The following AKAP6 variants were observed in gnomAD, a reference collection of about 807,000 sequenced individuals.
AKAP6 encodes the protein A-kinase anchor protein 6.
Under a neutral mutation model 188.5 loss-of-function variants are expected in AKAP6, and 58 were observed. The observed-to-expected ratio is 0.31, with a 90% CI of 0.25 to 0.38. The LOEUF (loss-of-function observed/expected upper bound fraction) is 0.38, where lower values mean the gene tolerates loss of function less well. Ranked by LOEUF, AKAP6 falls within the 10% of genes least tolerant of loss-of-function variation. The pLI is 1.00. For missense variants in AKAP6, 2,710 were observed against 2,740.0 expected, an observed-to-expected ratio of 0.99 and a Z score of 0.24; for synonymous variants, 989 against 998.6, an observed-to-expected ratio of 0.99 and a Z score of 0.18.
chr14:32,695,961 G>T, intron 8 of AKAP6, 29 bp from the exon 9 acceptor site: 1 of 1,604,946 alleles, frequency 6.2e-7, no homozygotes, highest in South Asian at 1.1e-5. Context: ...CTGTATTTAT[G>T]CATACTACAT....
chr14:32,691,125 T>C (rs1418866173), intron 8 of AKAP6, among the ~76,000 whole-genome samples: 1 of 152,186 alleles, frequency 6.6e-6, no homozygotes, highest in Non-Finnish European at 1.5e-5. Context: ...GGACTCATAG[T>C]TCTTATATTT....
chr14:32,726,813 G>C (rs1283759013), intron 9 of AKAP6, among the ~76,000 whole-genome samples: 1 of 152,214 alleles, frequency 6.6e-6, no homozygotes, highest in Middle Eastern at 3.2e-3. Context: ...TGTTCAGATA[G>C]AAGAGCTGCG....
chr14:32,468,668 A>T (rs578050894), intron 2 of AKAP6, among the ~76,000 whole-genome samples: 1 of 151,992 alleles, frequency 6.6e-6, no homozygotes, highest in African/African-American at 2.4e-5. Flanking sequence ...GTTATGTTTT[A>T]TTGTCCTCCC....
chr14:32,527,435 T>C (rs1313356470), intron 2 of AKAP6, among the ~76,000 whole-genome samples: 1 of 152,182 alleles, frequency 6.6e-6, no homozygotes, highest in Non-Finnish European at 1.5e-5. Flanking sequence ...GTGTGCAGGT[T>C]TTTCTGTGGA....
At chr14:32,813,307 C>T (rs1041172894) in intron 12 of AKAP6, among the ~76,000 whole-genome samples, 1 of 151,968 alleles carries the variant, frequency 6.6e-6, no homozygotes, top group African/African-American at 2.4e-5. Flanking sequence ...ACCCACCTAG[C>T]ATCTCCAGGT....
intron 7 of AKAP6, among the ~76,000 whole-genome samples, chr14:32,676,564 C>T (rs920852024): frequency 2.0e-5 from 3 of 152,130 alleles, no homozygotes; most frequent in African/African-American, 7.2e-5. Context: ...TGACATTATC[C>T]TTTGTTTATA....
At chr14:32,554,326 A>C (rs772204320) in intron 4 of AKAP6, among the ~76,000 whole-genome samples, 2 of 152,238 alleles carry the variant, frequency 1.3e-5, no homozygotes, top group Non-Finnish European at 2.9e-5. Context: ...TGAGTAAGGA[A>C]GAAGAGAGGG....
chr14:32,527,135 G>A (rs1256099488), intron 2 of AKAP6, among the ~76,000 whole-genome samples: 2 of 152,236 alleles, frequency 1.3e-5, no homozygotes, highest in Middle Eastern at 3.4e-3. Flanking sequence ...TGCCCCAAAC[G>A]GTCTGGGAGC....
intron 10 of AKAP6, among the ~76,000 whole-genome samples, 199 bp from the exon 11 acceptor site, chr14:32,735,459 G>A (rs1021701966): frequency 3.3e-5 from 5 of 152,042 alleles, no homozygotes; most frequent in African/African-American, 1.2e-4. Flanking sequence ...ATACTAAATG[G>A]AACAATGACC....
At chr14:32,427,150 G>T (rs1288523332) in intron 1 of AKAP6, among the ~76,000 whole-genome samples, 1 of 152,116 alleles carries the variant, frequency 6.6e-6, no homozygotes, top group Non-Finnish European at 1.5e-5. Context: ...TCCCCCCTGG[G>T]GCACTTGCAG....
rs1883741544 is a variant in AKAP6 at position 32,557,489 on chromosome 14, T to C, written c.2346+10490T>C. Among the ~76,000 whole-genome samples the C allele has an allele frequency of 2.0e-5, 3 of 152,242 alleles. No homozygotes were observed. The South Asian group carries it at 6.2e-4, about 31-fold the overall frequency. ...TCCCATTTGAAACACAGCTGTATCCTTTTTTATTCACCCACAGAGTAACTT... is the reference window on the plus strand; with the variant it reads ...TCCCATTTGAAACACAGCTGTATCCCTTTTTATTCACCCACAGAGTAACTT... On this transcript the variant is annotated intron_variant, in intron 4 of 13. Coordinates refer to ENST00000280979, the MANE Select transcript of AKAP6 (RefSeq NM_004274.5).
chr14:32,502,447 G>A (rs1046059390), intron 2 of AKAP6, among the ~76,000 whole-genome samples: 7 of 152,038 alleles, frequency 4.6e-5, no homozygotes, highest in Non-Finnish European at 7.4e-5. Context: ...TAGAGTTTTT[G>A]TTGCTGTCTG....
intron 9 of AKAP6, among the ~76,000 whole-genome samples, chr14:32,697,983 T>C (rs1473945762): frequency 6.6e-6 from 1 of 152,162 alleles, no homozygotes; most frequent in African/African-American, 2.4e-5. Context: ...TTTTAGGTGC[T>C]TAACATAGCT....
At chr14:32,571,613 GGCA>G (rs1476557117) in intron 4 of AKAP6, among the ~76,000 whole-genome samples, 1 of 152,176 alleles carries the variant, frequency 6.6e-6, no homozygotes, top group East Asian at 1.9e-4. Flanking sequence ...TCTGTGTGGA[GGCA>G]GCTAACTCGA....
chr14:32,441,745 G>T (rs1410152605), intron 2 of AKAP6, among the ~76,000 whole-genome samples: 2 of 152,168 alleles, frequency 1.3e-5, no homozygotes, highest in African/African-American at 2.4e-5. Context: ...TGTCAAGGTG[G>T]CTCAGTCTAA....
intron 9 of AKAP6, among the ~76,000 whole-genome samples, chr14:32,718,703 G>A (rs1490553252): frequency 6.6e-6 from 1 of 152,028 alleles, no homozygotes; most frequent in African/African-American, 2.4e-5. Context: ...TTCCTGTATT[G>A]GATGTTTCAC....
intron 4 of AKAP6, among the ~76,000 whole-genome samples, chr14:32,569,511 A>G (rs1884370183): frequency 6.6e-6 from 1 of 152,216 alleles, no homozygotes; most frequent in African/African-American, 2.4e-5. Flanking sequence ...ACTCTCTAGC[A>G]CTTTGTCTTG....
chr14:32,538,030 A>C (rs1314259317), intron 3 of AKAP6, among the ~76,000 whole-genome samples: 4 of 152,032 alleles, frequency 2.6e-5, no homozygotes, highest in Non-Finnish European at 5.9e-5. Flanking sequence ...GATTGCAGAA[A>C]ATTTTTGTGT....
intron 12 of AKAP6, among the ~76,000 whole-genome samples, chr14:32,776,934 G>A (rs1470521611): frequency 6.6e-6 from 1 of 152,066 alleles, no homozygotes; most frequent in Non-Finnish European, 1.5e-5. Context: ...ATATACAGAG[G>A]GATGCTCTCA....
Sources: gnomAD v4.1 joint callset for allele counts (sites outside exome capture counted in the v4.1 genomes callset) on GRCh38, gnomAD v4.1.1 for gene constraint, MANE v1.5 for transcripts, NCBI Gene and HGNC (gene_info 2026-07-23, HGNC 2026-07-21) for gene names.